DMXL1: variants seen among roughly 807,000 people sequenced by gnomAD.
DMXL1 encodes dmX-like protein 1.
In DMXL1, 99 loss-of-function variants were observed where a neutral mutation model predicts 319.2. The ratio of observed to expected loss-of-function variants is 0.31; its 90% confidence interval spans 0.26 to 0.37. The LOEUF is 0.37. Ranked by LOEUF, DMXL1 falls within the 10% of genes least tolerant of loss-of-function variation. The pLI, the probability that DMXL1 is intolerant of heterozygous loss-of-function variation, is 1.00. For synonymous variants in DMXL1, 1,385 were observed against 1,235.2 expected, an observed-to-expected ratio of 1.12 and a Z score of -2.54; for missense variants, 3,745 against 3,595.6, an observed-to-expected ratio of 1.04 and a Z score of -1.06.
At chr5:119,231,033 T>C in intron 38 of DMXL1, among the ~76,000 whole-genome samples, 1 of 152,210 alleles carries the variant, frequency 6.6e-6, no homozygotes, top group East Asian at 1.9e-4. Context: ...AAGACTCTTT[T>C]AGAGAGACAA....
At position 119,129,382 on chromosome 5, in the gene DMXL1, G is replaced by A; in HGVS notation, c.1274G>A (p.Ser425Asn). 6.2e-7 allele frequency: 1 copy of A among 1,613,284 alleles called. No individual in the cohort carries two copies. Among genetic ancestry groups the A allele is most frequent in the African/African-American group, 1.3e-5 (1 of 74,992 alleles). The stretch of plus-strand genomic sequence containing the variant: ...TTTGAACAACCATCTTCTGAGGCCA[G>A]TGTAGAAGATTCTAATCAGGCAGAT... ...KSFEQPSSEA[S>N]VEDSNQADVK... is the part of the protein sequence containing the mutation. The change falls in exon 10 of 44, where the codon AGT (serine) becomes AAT (asparagine). Residue 425 changes from serine to asparagine, a missense_variant. This residue lies in a region of DMXL1 where 2,096 missense variants were observed against 1,985.4 expected (regional missense o/e 1.06). Transcript: ENST00000539542.
intron 23 of DMXL1, among the ~76,000 whole-genome samples, chr5:119,169,568 A>G (rs1222815480): frequency 1.3e-5 from 2 of 152,182 alleles, no homozygotes; most frequent in Non-Finnish European, 2.9e-5. Context: ...CAGTATAGAT[A>G]TAGGTAAAGA....
At chr5:119,161,669 T>G (rs1382955326) in intron 19 of DMXL1, among the ~76,000 whole-genome samples, 1 of 152,170 alleles carries the variant, frequency 6.6e-6, no homozygotes, top group African/African-American at 2.4e-5. Context: ...GTTTGAACTC[T>G]CTGGTTGGGC....
At chr5:119,128,889 C>T (rs1224860095) in intron 9 of DMXL1, among the ~76,000 whole-genome samples, 1 of 152,024 alleles carries the variant, frequency 6.6e-6, no homozygotes, top group Non-Finnish European at 1.5e-5. Flanking sequence ...CGTGGTGAAA[C>T]CCTGTCTCTA....
intron 38 of DMXL1, among the ~76,000 whole-genome samples, chr5:119,226,483 T>C (rs1010463642): frequency 1.3e-4 from 20 of 152,352 alleles, no homozygotes; most frequent in African/African-American, 4.8e-4. Context: ...TATAATTTTC[T>C]GAGTAGAAAA....
intron 1 of DMXL1, among the ~76,000 whole-genome samples, chr5:119,072,800 C>T (rs951183655): frequency 1.3e-5 from 2 of 152,128 alleles, no homozygotes; most frequent in African/African-American, 4.8e-5. Flanking sequence ...TTGACTCATA[C>T]ACATCTTAAT....
At chr5:119,221,154 T>A (rs1784579786) in intron 37 of DMXL1, 73 bp downstream of exon 37, 1 of 1,120,924 alleles carries the variant, frequency 8.9e-7, no homozygotes, top group Non-Finnish European at 1.2e-6. Context: ...GGATAAAGGA[T>A]GATTTAAAAC....
chr5:119,125,016 T>G (rs1327096731), intron 9 of DMXL1, among the ~76,000 whole-genome samples: 2 of 152,248 alleles, frequency 1.3e-5, no homozygotes, highest in Non-Finnish European at 2.9e-5. Context: ...GTTAAATAAA[T>G]TATACTGTAT....
intron 30 of DMXL1, among the ~76,000 whole-genome samples, chr5:119,195,151 C>G (rs75039836): frequency 6.6e-6 from 1 of 151,672 alleles, no homozygotes. Context: ...TTGGTGGGAA[C>G]GTAAAATCGT....
Position 119,133,651 on chromosome 5 carries a change from T to G in DMXL1, c.1727T>G (p.Leu576Arg). Residue 576 changes from leucine to arginine, a missense_variant, in exon 12 of 44, where the codon CTT (leucine) becomes CGT (arginine). Coordinates refer to ENST00000539542, the MANE Select transcript of DMXL1 (RefSeq NM_001290321.3). The part of the protein sequence containing the change: ...PSGLTRSTSM[L>R]ISSGHNKSSN... The stretch of plus-strand genomic sequence containing the variant: ...GGCCTCACCCGTTCCACATCAATGC[T>G]TATTTCTTCTGGTCACAATAAATCA... The G allele has an allele frequency of 1.2e-6, 2 of 1,614,244 alleles. No individual in the cohort carries two copies. Among genetic ancestry groups the G allele is most frequent in the Non-Finnish European group, 1.7e-6 (2 of 1,180,042 alleles).
rs1221244052 is a variant in DMXL1, at chr5:119,197,945, C to T, written c.7734C>T (p.Asn2578=). The T allele has an allele frequency of 6.2e-7, 1 of 1,614,010 alleles. No homozygotes were observed. Residue 2578 remains asparagine, a synonymous_variant, in exon 32 of 44, where the codon AAC becomes AAT. Transcript: ENST00000539542. Reference sequence around the variant, plus strand: ...ACAAAGCTTTACTGGAACCTACAAACACTCCTTTCAAGTAGGTTTTCTTAT... The same window carrying T: ...ACAAAGCTTTACTGGAACCTACAAATACTCCTTTCAAGTAGGTTTTCTTAT... The part of the protein sequence containing the change: ...LRHKALLEPT[N]TPFKSKHHLA...
intron 1 of DMXL1, among the ~76,000 whole-genome samples, chr5:119,084,753 T>C (rs1254396146): frequency 6.6e-6 from 1 of 151,688 alleles, no homozygotes; most frequent in Non-Finnish European, 1.5e-5. Context: ...TAATTCCGGC[T>C]ACTCGGGAGG....
intron 1 of DMXL1, among the ~76,000 whole-genome samples, chr5:119,091,530 C>G (rs1235726412): frequency 6.6e-6 from 1 of 152,124 alleles, no homozygotes; most frequent in East Asian, 1.9e-4. Flanking sequence ...TGTGGATGCA[C>G]ACCTATGTCT....
chr5:119,189,781 T>C lies in DMXL1; in HGVS notation c.7209T>C (p.Ser2403=). 1 of 1,614,164 alleles carries C rather than the reference T, an allele frequency of 6.2e-7. No homozygotes were observed. Among genetic ancestry groups the C allele is most frequent in the Non-Finnish European group, 8.5e-7 (1 of 1,180,006 alleles). The part of the protein sequence containing the change: ...FRPSKMSCRE[S]APLTPSSAPV... ...CGTCAAAAATGTCTTGCAGAGAATCTGCCCCACTGACCCCTTCCTCGGCAC... is the reference window on the plus strand; with the variant it reads ...CGTCAAAAATGTCTTGCAGAGAATCCGCCCCACTGACCCCTTCCTCGGCAC... Residue 2403 remains serine (S), a synonymous_variant, in exon 29 of 44, where the codon TCT becomes TCC. Coordinates refer to ENST00000539542, the MANE Select transcript of DMXL1 (RefSeq NM_001290321.3).
Position 119,120,961 on chromosome 5 carries a change from A to G in DMXL1, c.934-10A>G, listed in dbSNP as rs761382170. The G allele has an allele frequency of 1.6e-5, 26 of 1,601,322 alleles. No individual in the cohort carries two copies. The highest frequency in any genetic ancestry group is 2.3e-5 in the South Asian group (2 of 88,418). On this transcript the variant is annotated splice_polypyrimidine_tract_variant and intron_variant, in intron 8 of 43. Transcript: ENST00000539542. The stretch of plus-strand genomic sequence containing the variant: ...CAATATAGGTATTAGTTTTGTTTCT[A>G]TTCACACAGGTAAATCTGAGACATT...
intron 9 of DMXL1, among the ~76,000 whole-genome samples, chr5:119,122,016 G>A (rs1762198960): frequency 1.4e-5 from 2 of 144,618 alleles, no homozygotes; most frequent in Non-Finnish European, 1.5e-5. Context: ...CCTCCCGGAC[G>A]GGGCGGCTGG....
intron 32 of DMXL1, among the ~76,000 whole-genome samples, chr5:119,201,135 T>A (rs527574167): frequency 6.6e-6 from 1 of 152,246 alleles, no homozygotes; most frequent in East Asian, 1.9e-4. Flanking sequence ...AAAGCATCCT[T>A]GTCTTGTGTT....
intron 16 of DMXL1, 59 bp downstream of exon 16, chr5:119,147,015 C>G (rs770189265): frequency 4.5e-6 from 7 of 1,570,306 alleles, no homozygotes; most frequent in Non-Finnish European, 6.1e-6. Context: ...ACAAATTACA[C>G]AAAATTAGAT....
At chr5:119,101,710 T>C (rs1757318058) in intron 2 of DMXL1, among the ~76,000 whole-genome samples, 1 of 152,200 alleles carries the variant, frequency 6.6e-6, no homozygotes, top group African/African-American at 2.4e-5. Flanking sequence ...AACACTGTAA[T>C]GGAAACTAAC....
Sources: gnomAD v4.1 joint callset for allele counts (sites outside exome capture counted in the v4.1 genomes callset) on GRCh38, gnomAD v4.1.1 for gene constraint, gnomAD v4.1.1 regional missense constraint, MANE v1.5 for transcripts, NCBI Gene and HGNC (gene_info 2026-07-23, HGNC 2026-07-21) for gene names.